TIAM1: variants seen among roughly 807,000 people sequenced by gnomAD.
TIAM1 encodes the protein TIAM Rac1 associated GEF 1.
Under a neutral mutation model 163.5 loss-of-function variants are expected in TIAM1, and 65 were observed. That is an observed-to-expected ratio of 0.40 (90% CI 0.33 to 0.49). The LOEUF is 0.49. TIAM1 is among the 20% of genes least tolerant of loss of function. TIAM1 has a pLI of 0.77. For synonymous variants in TIAM1, 833 were observed against 810.1 expected (o/e 1.03, Z -0.48); for missense variants, 1,789 against 2,044.7 (o/e 0.87, Z 2.41).
At chr21:31,132,008 C>A (rs1440789258) in intron 23 of TIAM1, among the ~76,000 whole-genome samples, 1 of 152,196 alleles carries the variant, frequency 6.6e-6, no homozygotes, top group Non-Finnish European at 1.5e-5. Flanking sequence ...TTTGTTATAG[C>A]AGCCCAAATG....
chr21:31,329,702 A>C (rs1346035343), intron 2 of TIAM1, among the ~76,000 whole-genome samples: 3 of 152,214 alleles, frequency 2.0e-5, no homozygotes, highest in African/African-American at 7.2e-5. Flanking sequence ...AGAGTATCAG[A>C]GCCTCCTGCT....
At chr21:31,228,245 A>AATAATCTGAAAAGGATTTTTCCTTT (rs1555897901) in intron 6 of TIAM1, among the ~76,000 whole-genome samples, 1 of 67,088 alleles carries the variant, frequency 1.5e-5, no homozygotes, top group Non-Finnish European at 3.8e-5. Context: ...AAAAAAAAAA[A>AATAATCTGAAAAGGATTTTTCCTTT]AAAAAAAAAA....
intron 1 of TIAM1, among the ~76,000 whole-genome samples, chr21:31,533,582 A>G (rs1029815804): frequency 6.6e-6 from 1 of 151,992 alleles, no homozygotes; most frequent in African/African-American, 2.4e-5. Flanking sequence ...AATTATTTTT[A>G]ATTAGCCAGG....
At chr21:31,497,264 A>G (rs1164270868) in intron 1 of TIAM1, among the ~76,000 whole-genome samples, 1 of 152,260 alleles carries the variant, frequency 6.6e-6, no homozygotes, top group Non-Finnish European at 1.5e-5. Flanking sequence ...CCAAGCGTTA[A>G]GCAACGCATA....
At chr21:31,506,087 G>A (rs961529318) in intron 1 of TIAM1, among the ~76,000 whole-genome samples, 4 of 150,890 alleles carry the variant, frequency 2.7e-5, no homozygotes, top group African/African-American at 9.8e-5. Context: ...CAGCTTGCTG[G>A]AGACAAAGCT....
At chr21:31,325,667 C>CAA (rs200884558) in intron 2 of TIAM1, among the ~76,000 whole-genome samples, 27,765 of 99,452 alleles carry the variant, frequency 0.28, 3,030 homozygotes, top group East Asian at 0.52. Context: ...GACTCTGACT[C>CAA]AAAAAAAAAA....
At chr21:31,142,562 C>G (rs1253075911) in intron 20 of TIAM1, among the ~76,000 whole-genome samples, 1 of 136,002 alleles carries the variant, frequency 7.4e-6, no homozygotes, top group Non-Finnish European at 1.5e-5. Context: ...ACCTGGGAGG[C>G]GGAGGTTGCA....
At chr21:31,456,538 C>CA (rs1206196163) in intron 2 of TIAM1, among the ~76,000 whole-genome samples, 1 of 152,226 alleles carries the variant, frequency 6.6e-6, no homozygotes, top group African/African-American at 2.4e-5. Context: ...AAATTTCTCA[C>CA]ACTGCTTCTT....
chr21:31,171,162 T>C (rs2084498042), intron 15 of TIAM1, among the ~76,000 whole-genome samples: 1 of 151,372 alleles, frequency 6.6e-6, no homozygotes, highest in Non-Finnish European at 1.5e-5. Context: ...GCTAGGACGG[T>C]AGATTACCCA....
intron 2 of TIAM1, among the ~76,000 whole-genome samples, chr21:31,445,729 A>G (rs190319617): frequency 6.6e-6 from 1 of 152,052 alleles, no homozygotes; most frequent in Non-Finnish European, 1.5e-5. Context: ...ACTATCAACC[A>G]TTGTTTCCTG....
At chr21:31,402,241 A>T (rs959336912) in intron 2 of TIAM1, among the ~76,000 whole-genome samples, 21 of 152,180 alleles carry the variant, frequency 1.4e-4, no homozygotes, top group African/African-American at 4.8e-4. Flanking sequence ...AAAAATTGGA[A>T]TTGAGACACT....
intron 1 of TIAM1, among the ~76,000 whole-genome samples, chr21:31,494,795 A>T (rs1275774029): frequency 6.6e-6 from 1 of 152,184 alleles, no homozygotes; most frequent in Non-Finnish European, 1.5e-5. Context: ...ATAAGCCGAG[A>T]TCGCACCACT....
chr21:31,394,889 C>T (rs573070644), intron 2 of TIAM1, among the ~76,000 whole-genome samples: 4 of 152,042 alleles, frequency 2.6e-5, no homozygotes, highest in Non-Finnish European at 5.9e-5. Context: ...CTTCTTCCTT[C>T]CATAGTATAA....
chr21:31,278,812 T>C (rs1322588613), intron 2 of TIAM1, among the ~76,000 whole-genome samples: 2 of 152,196 alleles, frequency 1.3e-5, no homozygotes, highest in Non-Finnish European at 2.9e-5. Flanking sequence ...GTTGGCTCCC[T>C]TTCCCTGGGC....
chr21:31,461,102 A>G (rs912553873), intron 2 of TIAM1, among the ~76,000 whole-genome samples: 1 of 152,246 alleles, frequency 6.6e-6, no homozygotes, highest in African/African-American at 2.4e-5. Context: ...CCAAACACAG[A>G]TAAAACAAAC....
Position 31,225,851 on chromosome 21 carries a change from G to T in TIAM1, c.1684C>A (p.Leu562Ile). Residue 562 changes from leucine to isoleucine, a missense_variant, in exon 7 of 28, where the codon CTC becomes ATC. Leu to Ile is a conservative substitution (Grantham distance 5, BLOSUM62 2). Transcript: ENST00000541036. ...RHHHKEDTLRLLKSEIKKLEQ... is the reference protein window; with the variant it reads ...RHHHKEDTLRILKSEIKKLEQ... ...AGTTTTTTGATCTCTGATTTCAGGA[G>T]TCGGAGCGTGTCTTCCTTGTGGTGG... The T allele has an allele frequency of 6.2e-7, 1 of 1,614,192 alleles. No homozygotes were observed. Among genetic ancestry groups the T allele is most frequent in the Non-Finnish European group, 8.5e-7 (1 of 1,180,046 alleles).
intron 2 of TIAM1, among the ~76,000 whole-genome samples, chr21:31,378,333 C>T (rs1279708181): frequency 6.6e-6 from 1 of 151,936 alleles, no homozygotes; most frequent in Non-Finnish European, 1.5e-5. Context: ...AAATTAACAC[C>T]AACCTCCTTT....
At chr21:31,351,059 T>A (rs1216281668) in intron 2 of TIAM1, among the ~76,000 whole-genome samples, 1 of 152,258 alleles carries the variant, frequency 6.6e-6, no homozygotes, top group Non-Finnish European at 1.5e-5. Context: ...ACTCTAGGAA[T>A]ACTTGCTGCC....
chr21:31,224,382 T>C (rs2087806849), intron 7 of TIAM1, among the ~76,000 whole-genome samples: 1 of 152,140 alleles, frequency 6.6e-6, no homozygotes, highest in South Asian at 2.1e-4. Context: ...AAACAAACCA[T>C]GGTGTATACG....
Sources: gnomAD v4.1 joint callset for allele counts (sites outside exome capture counted in the v4.1 genomes callset) on GRCh38, gnomAD v4.1.1 for gene constraint, MANE v1.5 for transcripts, NCBI Gene and HGNC (gene_info 2026-07-23, HGNC 2026-07-21) for gene names.